BCAP29: variants seen among roughly 807,000 people sequenced by gnomAD.
BCAP29 encodes B cell receptor associated protein 29.
A neutral mutation model predicts 31.8 loss-of-function variants in BCAP29; 34 were observed. The ratio of observed to expected loss-of-function variants is 1.07; its 90% CI spans 0.81 to 1.42. The LOEUF (loss-of-function observed/expected upper bound fraction) is 1.42. Ranked by LOEUF, BCAP29 falls within the 40% of genes most tolerant of loss-of-function variation. BCAP29 has a pLI of 0.00. For missense variants in BCAP29, 314 were observed against 269.2 expected, an observed-to-expected ratio of 1.17 and a Z score of -1.16; for synonymous variants, 104 against 91.3, an observed-to-expected ratio of 1.14 and a Z score of -0.79.
intron 6 of BCAP29, among the ~76,000 whole-genome samples, chr7:107,610,441 A>G (rs1481498357): frequency 6.6e-6 from 1 of 152,220 alleles, no homozygotes; most frequent in African/African-American, 2.4e-5. Flanking sequence ...CACATGTCAG[A>G]TAACAAGTTT....
chr7:107,617,267 C>T (rs114964007), intron 7 of BCAP29, among the ~76,000 whole-genome samples: 3,538 of 152,156 alleles, frequency 0.023, 138 homozygotes, highest in African/African-American at 0.08. Context: ...AATCATAAAA[C>T]GAAAGATCAT....
At chr7:107,598,843 G>A (rs954011769) in intron 5 of BCAP29, among the ~76,000 whole-genome samples, 2 of 150,666 alleles carry the variant, frequency 1.3e-5, no homozygotes, top group African/African-American at 2.4e-5. Context: ...AGGCTGAGGT[G>A]AGAAGATTGC....
chr7:107,604,212 C>G (rs552187327), intron 6 of BCAP29, among the ~76,000 whole-genome samples: 2 of 152,236 alleles, frequency 1.3e-5, no homozygotes, highest in East Asian at 3.9e-4. Flanking sequence ...CCTTGACTTA[C>G]GTTGAACAAA....
rs1814675067 is a variant in BCAP29 at position 107,619,113 on chromosome 7, A to T, written c.*750A>T. 1 of 152,572 alleles carries T rather than the reference A, an allele frequency of 6.6e-6. No homozygotes were observed. Among genetic ancestry groups the T allele is most frequent in the Non-Finnish European group, 1.5e-5 (1 of 67,970 alleles). 9.5% of individuals were successfully genotyped at this position (152,572 alleles called of 1,614,324 possible). On this transcript the variant is annotated 3_prime_UTR_variant, in exon 8 of 8. Transcript: ENST00000005259. Reference sequence around the variant, plus strand: ...CTGAATTTATTTTACAACAGTGTAGAATTCTTGAAAAGTTAACGTAGAAAA... The same window carrying T: ...CTGAATTTATTTTACAACAGTGTAGTATTCTTGAAAAGTTAACGTAGAAAA...
chr7:107,622,670 A>G (rs1815078710), downstream of BCAP29: 1 of 152,244 alleles, frequency 6.6e-6, no homozygotes, highest in Non-Finnish European at 1.5e-5. Flanking sequence ...ACAGGAAGTG[A>G]AGAGGTCATC....
chr7:107,591,455 G>A (rs898798358), intron 3 of BCAP29, among the ~76,000 whole-genome samples: 5 of 152,086 alleles, frequency 3.3e-5, no homozygotes, highest in Admixed American at 2.0e-4. Context: ...AATTTTGACC[G>A]CAGGTTGCCT....
At chr7:107,614,461 A>G (rs1433351706) in intron 7 of BCAP29, among the ~76,000 whole-genome samples, 3 of 152,228 alleles carry the variant, frequency 2.0e-5, no homozygotes, top group East Asian at 3.8e-4. Flanking sequence ...TGGATTGTTA[A>G]GAGAACTAAA....
At chr7:107,598,086 G>A (rs183547423) in intron 5 of BCAP29, among the ~76,000 whole-genome samples, 1 of 152,304 alleles carries the variant, frequency 6.6e-6, no homozygotes, top group East Asian at 1.9e-4. Context: ...TACAGGTGCA[G>A]TAGTGAAAGC....
chr7:107,584,480 G>A lies in BCAP29; in HGVS notation c.193+498G>A, dbSNP rs189076113. ...TCCTAGCACTTTGGGAGGCCAAGGC[G>A]GGAGGATTGCCTGAGTCCAGGAGTT... On this transcript the variant is annotated intron_variant, in intron 3 of 7. Coordinates refer to ENST00000005259, the MANE Select transcript of BCAP29 (RefSeq NM_018844.4). Among the ~76,000 whole-genome samples the A allele has an allele frequency of 2.4e-4, 36 of 152,298 alleles. No homozygotes were observed. In the East Asian group the frequency reaches 3.9e-3, roughly 16 times the overall value.
At chr7:107,616,899 C>T (rs1814264255) in intron 7 of BCAP29, among the ~76,000 whole-genome samples, 1 of 152,110 alleles carries the variant, frequency 6.6e-6, no homozygotes, top group South Asian at 2.1e-4. Context: ...CCACCATGCG[C>T]AGCTAAGTTG....
chr7:107,610,306 T>C (rs1359012776), intron 6 of BCAP29, among the ~76,000 whole-genome samples: 1 of 152,216 alleles, frequency 6.6e-6, no homozygotes, highest in Non-Finnish European at 1.5e-5. Flanking sequence ...TAGCAGCCCG[T>C]TTTTGCAGTT....
rs1311810811 is a variant in BCAP29, at chr7:107,618,444, A to G, written c.*81A>G. 1.9e-6 allele frequency: 3 copies of G among 1,613,032 alleles called. No homozygotes were observed. In the African/African-American group the frequency reaches 4.0e-5, roughly 22 times the overall value. ...AGCCTCTAGAAAATTTAAGTTCAGA[A>G]AAATGCACTATGACCGGTTCGTAAT... is the stretch of plus-strand genomic sequence containing the variant. On this transcript the variant is annotated 3_prime_UTR_variant, in exon 8 of 8. Transcript: ENST00000005259.
At chr7:107,617,751 C>T (rs1406392377) in intron 7 of BCAP29, among the ~76,000 whole-genome samples, 1 of 152,128 alleles carries the variant, frequency 6.6e-6, no homozygotes, top group Non-Finnish European at 1.5e-5. Context: ...AAGAGCTTGA[C>T]GAACTTCTTT....
At chr7:107,594,234 G>T (rs1010956724) in intron 4 of BCAP29, 129 bp downstream of exon 4, 1 of 825,620 alleles carries the variant, frequency 1.2e-6, no homozygotes, top group African/African-American at 1.7e-5. Context: ...TGTTGCCCAG[G>T]CTGCAGTGCA....
intron 6 of BCAP29, among the ~76,000 whole-genome samples, chr7:107,602,964 CTTTTTTTT>C (rs34887499): frequency 4.4e-5 from 3 of 68,288 alleles, no homozygotes; most frequent in African/African-American, 6.2e-5. Flanking sequence ...TTCTTTTATT[CTTTTTTTT>C]TTTTTTTTTT....
intron 6 of BCAP29, among the ~76,000 whole-genome samples, chr7:107,610,947 TATA>T (rs1240007995): frequency 1.3e-5 from 2 of 152,198 alleles, no homozygotes; most frequent in African/African-American, 4.8e-5. Context: ...CTCAGTAGCT[TATA>T]AACAACAGAA....
chr7:107,589,805 A>G (rs1250614384), intron 3 of BCAP29, among the ~76,000 whole-genome samples: 1 of 152,212 alleles, frequency 6.6e-6, no homozygotes, highest in Admixed American at 6.5e-5. Flanking sequence ...GGAATCATAT[A>G]GAGTATGGGG....
In BCAP29 at chr7:107,614,207, C is replaced by G. The variant is rs139424659; in HGVS notation, c.690+775C>G. On this transcript the variant is annotated intron_variant, in intron 7 of 7. Coordinates refer to ENST00000005259, the MANE Select transcript of BCAP29 (RefSeq NM_018844.4). ...AGTCAGGGCTTTTTACAAATAATAG[C>G]TTTTTATTTCACTGTACACATTTCC... Among the ~76,000 whole-genome samples, 375 of 152,284 alleles carry G rather than the reference C, an allele frequency of 2.5e-3. 3 individuals carry two copies. The highest frequency in any genetic ancestry group is 4.7e-3 in the Non-Finnish European group (317 of 68,020).
intron 5 of BCAP29, 40 bp from the exon 6 acceptor site, chr7:107,600,357 A>G (rs144557664): frequency 8.3e-7 from 1 of 1,211,286 alleles, no homozygotes; most frequent in Non-Finnish European, 1.2e-6. Flanking sequence ...TGGCTATTGC[A>G]ATCTAAGCTT....
Sources: gnomAD v4.1 joint callset for allele counts (sites outside exome capture counted in the v4.1 genomes callset) on GRCh38, gnomAD v4.1.1 for gene constraint, MANE v1.5 for transcripts, NCBI Gene and HGNC (gene_info 2026-07-23, HGNC 2026-07-21) for gene names.